ATP23: variants seen among roughly 807,000 people sequenced by gnomAD.
ATP23 encodes the protein mitochondrial inner membrane protease ATP23 homolog.
A neutral mutation model predicts 28.5 loss-of-function variants in ATP23; 24 were observed. That is an observed-to-expected ratio of 0.84 (90% CI 0.61 to 1.18). The LOEUF (loss-of-function observed/expected upper bound fraction) is 1.18, where lower values mean the gene tolerates loss of function less well. Among genes scored for constraint, ATP23 ranks in the 50% most tolerant of loss-of-function variants. The probability of loss-of-function intolerance (pLI) is 0.00; values close to 1 mark genes in which losing one functional copy is unlikely to be tolerated. For missense variants in ATP23, 274 were observed against 306.4 expected (o/e 0.89, Z 0.79); for synonymous variants, 99 against 108.6 (o/e 0.91, Z 0.55).
chr12:57,949,863 C>G (rs1453817409), intron 3 of ATP23: 1 of 146,938 alleles, frequency 6.8e-6, no homozygotes, highest in Non-Finnish European at 1.5e-5. Context: ...TTTACCATCC[C>G]CCATCTCCCC....
chr12:57,945,912 T>A (rs35712620), intron 2 of ATP23, among the ~76,000 whole-genome samples: 1 of 149,942 alleles, frequency 6.7e-6, no homozygotes, highest in African/African-American at 2.5e-5. Flanking sequence ...GTTGTCCAGG[T>A]GGGAGTGCGT....
intron 2 of ATP23, among the ~76,000 whole-genome samples, chr12:57,946,446 A>ATTT (rs369316315): frequency 1.2e-4 from 13 of 104,006 alleles, no homozygotes; most frequent in East Asian, 2.7e-4. Flanking sequence ...AGTTGAACAA[A>ATTT]TTTTTTTTTT....
chr12:57,946,912 GGAGGGTCTCCT>G (rs2140530477), intron 2 of ATP23, 72 bp from the exon 3 acceptor site: 1 of 1,133,668 alleles, frequency 8.8e-7, no homozygotes, highest in East Asian at 2.4e-5. Flanking sequence ...ACTATATGGT[GGAGGGTCTCCT>G]GAGCCCTGGC....
At chr12:57,944,264 A>G (rs931045813) in intron 1 of ATP23, among the ~76,000 whole-genome samples, 1 of 152,006 alleles carries the variant, frequency 6.6e-6, no homozygotes, top group Non-Finnish European at 1.5e-5. Context: ...CCTATACCTG[A>G]CTTTCTCATC....
At position 57,941,688 on chromosome 12, in the gene ATP23, G is replaced by A. The variant is rs779795967; in HGVS notation, c.-14G>A. ...CTGAGCCAGGAGGAAGCAGCGGCGA[G>A]GTCTGCGGGAGGCATGGCGGGAGCT... On this transcript the variant is annotated 5_prime_UTR_variant, in exon 1 of 6. Transcript: ENST00000300145. The A allele has an allele frequency of 6.2e-7, 1 of 1,602,436 alleles. No individual in the cohort carries two copies. The highest frequency in any genetic ancestry group is 1.3e-5 in the African/African-American group (1 of 74,574).
intron 1 of ATP23, among the ~76,000 whole-genome samples, chr12:57,942,297 T>C (rs1956712922): frequency 6.6e-6 from 1 of 152,100 alleles, no homozygotes; most frequent in African/African-American, 2.4e-5. Flanking sequence ...GCTGTAAAAA[T>C]ATAAAAGCAG....
chr12:57,955,756 TA>T (rs1265675406), intron 5 of ATP23, among the ~76,000 whole-genome samples: 1 of 152,202 alleles, frequency 6.6e-6, no homozygotes, highest in Non-Finnish European at 1.5e-5. Context: ...GTTTATTTTT[TA>T]AAATCAGCGT....
At chr12:57,946,360 T>G (rs74937823) in intron 2 of ATP23, among the ~76,000 whole-genome samples, 17,821 of 151,870 alleles carry the variant, frequency 0.12, 1,787 homozygotes, top group African/African-American at 0.28. Flanking sequence ...TTAAAGGAAG[T>G]GACTTCTGAC....
At chr12:57,942,227 A>G (rs1956712100) in intron 1 of ATP23, among the ~76,000 whole-genome samples, 1 of 152,226 alleles carries the variant, frequency 6.6e-6, no homozygotes, top group Admixed American at 6.5e-5. Context: ...AGTGCCAGCC[A>G]GGTTAATTAA....
chr12:57,952,472 T>C (rs1055081848), intron 4 of ATP23, among the ~76,000 whole-genome samples: 2 of 152,198 alleles, frequency 1.3e-5, no homozygotes, highest in Admixed American at 1.3e-4. Flanking sequence ...ACATGCTCTT[T>C]TCAAAAATAC....
At chr12:57,942,674 C>A (rs926132157) in intron 1 of ATP23, among the ~76,000 whole-genome samples, 1 of 152,120 alleles carries the variant, frequency 6.6e-6, no homozygotes, top group Non-Finnish European at 1.5e-5. Context: ...CTGCCTGCCT[C>A]GGCCTCCCAA....
intron 4 of ATP23, among the ~76,000 whole-genome samples, chr12:57,953,192 C>T (rs1956831249): frequency 6.6e-6 from 1 of 152,182 alleles, no homozygotes; most frequent in South Asian, 2.1e-4. Context: ...CATTGAAACT[C>T]AGTTTATTTC....
In ATP23 at chr12:57,953,643, T is replaced by C. The variant is rs1464577930; in HGVS notation, c.491T>C (p.Val164Ala). Residue 164 changes from valine to alanine, a missense_variant, in exon 5 of 6, where the codon GTC (valine) becomes GCC (alanine). Val to Ala is a moderately conservative substitution (Grantham distance 64). Coordinates refer to ENST00000300145, the MANE Select transcript of ATP23 (RefSeq NM_033276.4). ...AACCTTAGTGGAGACTGCTCACTTG[T>C]CAATGAAATATTCAGGTTACATTTT... ...AANLSGDCSLVNEIFRLHFGL... is the reference protein window; with the variant it reads ...AANLSGDCSLANEIFRLHFGL... 1 of 1,614,034 alleles carries C rather than the reference T, an allele frequency of 6.2e-7. No individual in the cohort carries two copies. The highest frequency in any genetic ancestry group is 8.5e-7 in the Non-Finnish European group (1 of 1,180,018).
At chr12:57,950,133 A>G (rs1956800503) in intron 3 of ATP23, among the ~76,000 whole-genome samples, 1 of 152,130 alleles carries the variant, frequency 6.6e-6, no homozygotes, top group South Asian at 2.1e-4. Context: ...TCTCCTGCCT[A>G]TTCTTCCAAC....
Position 57,958,349 on chromosome 12 carries a change from C to T in ATP23, c.*1459C>T, listed in dbSNP as rs1332163780. 6.6e-6 allele frequency among the ~76,000 whole-genome samples: 1 copy of T among 152,146 alleles called. No individual in the cohort carries two copies. The highest frequency in any genetic ancestry group is 1.5e-5 in the Non-Finnish European group (1 of 68,022). On this transcript the variant is annotated 3_prime_UTR_variant, in exon 6 of 6. Transcript: ENST00000300145. ...TACAATCTTGGGAGTTCTAGGGCCC[C>T]ACTCACCACAAGTTCTTCTCCATAC...
intron 2 of ATP23, among the ~76,000 whole-genome samples, chr12:57,946,775 C>T (rs1171815819): frequency 1.3e-5 from 2 of 152,074 alleles, no homozygotes; most frequent in Non-Finnish European, 2.9e-5. Context: ...TTTATGGAAT[C>T]ATATCTATAG....
chr12:57,956,552 TC>T, intron 5 of ATP23, 134 bp from the exon 6 acceptor site: 2 of 759,514 alleles, frequency 2.6e-6, no homozygotes, highest in South Asian at 4.6e-5. Flanking sequence ...TTTGTTTTCT[TC>T]TTTGGAATGA....
At chr12:57,955,075 C>G (rs1446879511) in intron 5 of ATP23, among the ~76,000 whole-genome samples, 1 of 151,992 alleles carries the variant, frequency 6.6e-6, no homozygotes, top group Admixed American at 6.6e-5. Context: ...GCAGGGTACA[C>G]ATCAGCACGC....
intron 3 of ATP23, among the ~76,000 whole-genome samples, chr12:57,950,928 A>G (rs1956809168): frequency 1.3e-5 from 2 of 152,240 alleles, no homozygotes; most frequent in African/African-American, 4.8e-5. Context: ...TTCTATCTCC[A>G]TCAGTAGATT....
Sources: gnomAD v4.1 joint callset for allele counts (sites outside exome capture counted in the v4.1 genomes callset) on GRCh38, gnomAD v4.1.1 for gene constraint, MANE v1.5 for transcripts, NCBI Gene and HGNC (gene_info 2026-07-23, HGNC 2026-07-21) for gene names.